The following CACNA2D1 variants were observed in gnomAD, a reference collection of about 807,000 sequenced individuals.
CACNA2D1 encodes the protein calcium voltage-gated channel auxiliary subunit alpha2delta 1.
Under a neutral mutation model 171.5 loss-of-function variants are expected in CACNA2D1, and 53 were observed. The observed-to-expected ratio is 0.31, with a 90% CI of 0.25 to 0.39. The LOEUF (loss-of-function observed/expected upper bound fraction) is 0.39, where lower values mean the gene tolerates loss of function less well. CACNA2D1 is among the 10% of genes least tolerant of loss of function. The pLI is 1.00. For synonymous variants in CACNA2D1, 442 were observed against 443.1 expected, an observed-to-expected ratio of 1.00 and a Z score of 0.03; for missense variants, 903 against 1,299.8, an observed-to-expected ratio of 0.69 and a Z score of 4.69.
intron 3 of CACNA2D1, among the ~76,000 whole-genome samples, chr7:82,184,117 G>C (rs1026695470): frequency 6.7e-6 from 1 of 149,688 alleles, no homozygotes; most frequent in African/African-American, 2.4e-5. Flanking sequence ...GATCTTAGAC[G>C]GTAGGCAAAT....
At chr7:82,117,993 C>T (rs928276648) in intron 5 of CACNA2D1, among the ~76,000 whole-genome samples, 3 of 152,082 alleles carry the variant, frequency 2.0e-5, no homozygotes, top group Non-Finnish European at 2.9e-5. Context: ...AAATCTCATC[C>T]TCTTGCTTTT....
intron 3 of CACNA2D1, among the ~76,000 whole-genome samples, chr7:82,282,007 A>C (rs1810169001): frequency 6.6e-6 from 1 of 152,168 alleles, no homozygotes; most frequent in Admixed American, 6.6e-5. Context: ...AGCTAAATCT[A>C]ATCTGTTGGC....
intron 1 of CACNA2D1, among the ~76,000 whole-genome samples, chr7:82,395,858 G>A (rs1157766354): frequency 6.6e-6 from 1 of 152,076 alleles, no homozygotes; most frequent in Non-Finnish European, 1.5e-5. Flanking sequence ...TAACTACTTT[G>A]AGTCCCAATC....
chr7:82,068,605 G>T (rs1321482334), intron 7 of CACNA2D1, among the ~76,000 whole-genome samples: 1 of 146,856 alleles, frequency 6.8e-6, no homozygotes, highest in Admixed American at 6.6e-5. Flanking sequence ...AATTTTCCTT[G>T]TTCAAAATGC....
intron 3 of CACNA2D1, among the ~76,000 whole-genome samples, chr7:82,314,912 C>G (rs2129434899): frequency 2.0e-5 from 3 of 151,922 alleles, no homozygotes; most frequent in Middle Eastern, 6.8e-3. Flanking sequence ...TATCATATTC[C>G]AGTGTTAAAG....
chr7:81,987,395 C>T (rs1479759887), intron 21 of CACNA2D1, among the ~76,000 whole-genome samples: 2 of 152,210 alleles, frequency 1.3e-5, no homozygotes, highest in East Asian at 1.9e-4. Context: ...ATAGCCCAGG[C>T]AGTGTTTTGT....
At chr7:81,993,183 G>GA (rs1351844141) in intron 20 of CACNA2D1, among the ~76,000 whole-genome samples, 5 of 151,942 alleles carry the variant, frequency 3.3e-5, no homozygotes, top group East Asian at 1.9e-4. Context: ...ACATGACCAT[G>GA]AAAAAAATGT....
intron 4 of CACNA2D1, among the ~76,000 whole-genome samples, chr7:82,137,560 C>T (rs896099401): frequency 6.6e-6 from 1 of 151,994 alleles, no homozygotes; most frequent in Non-Finnish European, 1.5e-5. Context: ...GCCTCTTAAA[C>T]ATCCAAAAAC....
intron 20 of CACNA2D1, among the ~76,000 whole-genome samples, chr7:81,991,787 T>G (rs1031560496): frequency 6.6e-6 from 1 of 152,082 alleles, no homozygotes; most frequent in Non-Finnish European, 1.5e-5. Flanking sequence ...TGCATGGCTC[T>G]ATCTTTTATA....
At chr7:82,229,835 C>T (rs1392284378) in intron 3 of CACNA2D1, among the ~76,000 whole-genome samples, 1 of 151,882 alleles carries the variant, frequency 6.6e-6, no homozygotes. Flanking sequence ...CAGCCTCCTG[C>T]TTTACTTTGA....
Position 81,991,349 on chromosome 7 carries a change from T to A in CACNA2D1, c.1735-103A>T. On this transcript the variant is annotated intron_variant, in intron 20 of 38. Transcript: ENST00000356860. ...ACTTATAAATTTTGTAGTCATTTAA[T>A]ACTCATCTTTACAAAGGTATGATCT... 3 of 706,012 alleles carry A rather than the reference T, an allele frequency of 4.2e-6. No homozygotes were observed. In the East Asian group the frequency reaches 8.0e-5, roughly 19 times the overall value. 43.7% of individuals were successfully genotyped at this position (706,012 alleles called of 1,614,324 possible).
intron 1 of CACNA2D1, among the ~76,000 whole-genome samples, chr7:82,371,166 G>A (rs1822365466): frequency 6.6e-6 from 1 of 152,148 alleles, no homozygotes; most frequent in Non-Finnish European, 1.5e-5. Context: ...GCATAGTAAT[G>A]TAATGAAAAT....
At chr7:82,226,626 C>T (rs750740329) in intron 3 of CACNA2D1, among the ~76,000 whole-genome samples, 2 of 152,024 alleles carry the variant, frequency 1.3e-5, no homozygotes, top group Admixed American at 6.6e-5. Context: ...CTCATTCAAT[C>T]GTGCATTATA....
intron 19 of CACNA2D1, among the ~76,000 whole-genome samples, chr7:81,995,708 A>G (rs1437805870): frequency 6.6e-6 from 1 of 150,940 alleles, no homozygotes; most frequent in Non-Finnish European, 1.5e-5. Flanking sequence ...CTGAGGCAGG[A>G]GAATGGCATG....
At chr7:82,434,124 CAAAG>C (rs1208330661) in intron 1 of CACNA2D1, among the ~76,000 whole-genome samples, 1 of 152,200 alleles carries the variant, frequency 6.6e-6, no homozygotes, top group Non-Finnish European at 1.5e-5. Flanking sequence ...AGAAGTGACA[CAAAG>C]AAAAGCAGAA....
intron 24 of CACNA2D1, among the ~76,000 whole-genome samples, chr7:81,975,600 G>GT (rs546904936): frequency 5.9e-5 from 9 of 152,040 alleles, no homozygotes; most frequent in South Asian, 4.2e-4. Context: ...AATATTAATA[G>GT]TTTTTTTGCC....
At chr7:82,321,767 GGAGA>G (rs1815924933) in intron 3 of CACNA2D1, among the ~76,000 whole-genome samples, 2 of 152,092 alleles carry the variant, frequency 1.3e-5, no homozygotes, top group East Asian at 3.9e-4. Context: ...AGTGTACACA[GGAGA>G]GAGAAAAGAA....
chr7:82,063,092 T>G (rs1807151913), intron 9 of CACNA2D1, among the ~76,000 whole-genome samples: 1 of 152,114 alleles, frequency 6.6e-6, no homozygotes. Context: ...TACTACACTG[T>G]GTGTAGGAAG....
intron 3 of CACNA2D1, among the ~76,000 whole-genome samples, chr7:82,231,492 G>A (rs190302593): frequency 2.0e-5 from 3 of 151,942 alleles, no homozygotes; most frequent in Admixed American, 6.6e-5. Context: ...TATTTAGATC[G>A]AATTTCAAAG....
Sources: allele counts gnomAD v4.1 joint callset (sites outside exome capture counted in the v4.1 genomes callset), GRCh38; gene constraint gnomAD v4.1.1; transcripts MANE v1.5; gene names NCBI Gene and HGNC (gene_info 2026-07-23, HGNC 2026-07-21).